The following AUTS2 variants were observed in gnomAD, a reference collection of about 807,000 sequenced individuals.
The protein encoded by AUTS2 is autism susceptibility gene 2 protein.
In AUTS2, 17 loss-of-function variants were observed where a neutral mutation model predicts 112.4. That is an observed-to-expected ratio of 0.15 (90% CI 0.10 to 0.23). The LOEUF (loss-of-function observed/expected upper bound fraction) is 0.23. Ranked by LOEUF, AUTS2 falls within the 10% of genes least tolerant of loss-of-function variation. The pLI, the probability that AUTS2 is intolerant of heterozygous loss-of-function variation, is 1.00. For missense variants in AUTS2, 1,510 were observed against 1,701.6 expected (o/e 0.89, Z 1.98); for synonymous variants, 751 against 702.7 (o/e 1.07, Z -1.09).
intron 11 of AUTS2, among the ~76,000 whole-genome samples, chr7:70,772,342 C>T (rs549379633): frequency 5.3e-5 from 8 of 152,304 alleles, no homozygotes; most frequent in East Asian, 1.9e-4. Flanking sequence ...GTGATAATGC[C>T]GTCCAGCGTT....
intron 6 of AUTS2, among the ~76,000 whole-genome samples, chr7:70,750,667 G>A (rs1368576661): frequency 6.6e-6 from 1 of 152,230 alleles, no homozygotes; most frequent in Non-Finnish European, 1.5e-5. Context: ...CTCCCAAAGT[G>A]CTGGGATTAC....
chr7:70,297,757 A>G (rs567271510), intron 4 of AUTS2, among the ~76,000 whole-genome samples: 1 of 152,212 alleles, frequency 6.6e-6, no homozygotes, highest in Non-Finnish European at 1.5e-5. Context: ...ACCAGGACAA[A>G]CAGGATGTTC....
At chr7:70,655,497 G>A (rs914704149) in intron 5 of AUTS2, among the ~76,000 whole-genome samples, 9 of 152,162 alleles carry the variant, frequency 5.9e-5, no homozygotes, top group Non-Finnish European at 5.9e-5. Context: ...TTACTGAAAC[G>A]CCAAGTATAA....
intron 4 of AUTS2, among the ~76,000 whole-genome samples, chr7:70,214,347 C>T (rs1210034951): frequency 2.6e-5 from 4 of 152,222 alleles, no homozygotes; most frequent in Non-Finnish European, 4.4e-5. Context: ...CATTCTTGCA[C>T]TGCAACATTC....
intron 2 of AUTS2, among the ~76,000 whole-genome samples, chr7:69,965,411 T>A (rs562713833): frequency 6.6e-6 from 1 of 152,214 alleles, no homozygotes; most frequent in East Asian, 1.9e-4. Context: ...GCAGATTGGG[T>A]GCTTGCTCTC....
intron 5 of AUTS2, among the ~76,000 whole-genome samples, chr7:70,465,531 G>A (rs1797137407): frequency 6.6e-6 from 1 of 152,186 alleles, no homozygotes; most frequent in Non-Finnish European, 1.5e-5. Flanking sequence ...TTGGGCTGAT[G>A]ATAACTGGTG....
At chr7:70,459,897 C>G (rs539694091) in intron 5 of AUTS2, among the ~76,000 whole-genome samples, 2 of 152,252 alleles carry the variant, frequency 1.3e-5, no homozygotes, top group South Asian at 4.1e-4. Flanking sequence ...AAGCCAGCCC[C>G]AGCCCTCAGT....
chr7:70,664,362 G>A (rs1807223526), intron 5 of AUTS2, among the ~76,000 whole-genome samples: 1 of 152,102 alleles, frequency 6.6e-6, no homozygotes, highest in Non-Finnish European at 1.5e-5. Context: ...TGGACTCTGT[G>A]GGATTTTGTG....
At chr7:70,733,892 A>G (rs1397661489) in intron 6 of AUTS2, among the ~76,000 whole-genome samples, 1 of 152,004 alleles carries the variant, frequency 6.6e-6, no homozygotes, top group Non-Finnish European at 1.5e-5. Flanking sequence ...TGGCCTCTAC[A>G]TTAGTTTTAT....
chr7:70,054,689 C>G (rs146046608), intron 2 of AUTS2, among the ~76,000 whole-genome samples: 2 of 152,226 alleles, frequency 1.3e-5, no homozygotes, highest in African/African-American at 4.8e-5. Context: ...GTAAATCATT[C>G]TAGAATTTTG....
At chr7:70,434,689 A>G (rs1478846186) in intron 4 of AUTS2, among the ~76,000 whole-genome samples, 1 of 152,130 alleles carries the variant, frequency 6.6e-6, no homozygotes, top group Non-Finnish European at 1.5e-5. Context: ...AGTCATCCTC[A>G]TGGAAGCAGC....
At chr7:69,641,845 T>G (rs1194508587) in intron 1 of AUTS2, among the ~76,000 whole-genome samples, 1 of 152,242 alleles carries the variant, frequency 6.6e-6, no homozygotes, top group Non-Finnish European at 1.5e-5. Flanking sequence ...TTTGGCATTC[T>G]GTTCTCCACT....
chr7:69,988,827 A>G (rs1280284336), intron 2 of AUTS2, among the ~76,000 whole-genome samples: 1 of 152,166 alleles, frequency 6.6e-6, no homozygotes, highest in African/African-American at 2.4e-5. Flanking sequence ...GTGATAATAC[A>G]TTAAGCTCAC....
chr7:70,364,375 C>T lies in AUTS2; in HGVS notation c.661-71377C>T, dbSNP rs556301837. On this transcript the variant is annotated intron_variant, in intron 4 of 18. Transcript: ENST00000342771. Reference sequence around the variant, plus strand: ...TCAGGAGATAAGAGAACATCCTGGCCAACATGGTGAAACCCAGTCTCTACT... The same window carrying T: ...TCAGGAGATAAGAGAACATCCTGGCTAACATGGTGAAACCCAGTCTCTACT... Among the ~76,000 whole-genome samples the T allele has an allele frequency of 2.6e-5, 4 of 151,616 alleles. No homozygotes were observed. The East Asian group carries it at 7.7e-4, about 29-fold the overall frequency.
chr7:70,064,391 T>G (rs1166853687), intron 2 of AUTS2, among the ~76,000 whole-genome samples: 1 of 152,166 alleles, frequency 6.6e-6, no homozygotes, highest in East Asian at 1.9e-4. Flanking sequence ...AAATAGCACC[T>G]TTAACTGGGA....
intron 4 of AUTS2, among the ~76,000 whole-genome samples, chr7:70,212,925 A>G (rs183791291): frequency 6.6e-6 from 1 of 152,188 alleles, no homozygotes; most frequent in Non-Finnish European, 1.5e-5. Flanking sequence ...ATACAGTCAG[A>G]TAGAAGAAAT....
chr7:70,187,367 A>G (rs1809657976), intron 4 of AUTS2, among the ~76,000 whole-genome samples: 1 of 152,236 alleles, frequency 6.6e-6, no homozygotes, highest in African/African-American at 2.4e-5. Context: ...TTAGGTATAT[A>G]TGTAAATATG....
chr7:69,860,216 A>C (rs1268445860), intron 1 of AUTS2, among the ~76,000 whole-genome samples: 3 of 151,958 alleles, frequency 2.0e-5, no homozygotes, highest in Non-Finnish European at 2.9e-5. Context: ...AGGAAAAGGC[A>C]TTTAACCAAG....
At chr7:70,728,923 C>G (rs1021994711) in intron 6 of AUTS2, among the ~76,000 whole-genome samples, 4 of 152,048 alleles carry the variant, frequency 2.6e-5, no homozygotes, top group Non-Finnish European at 5.9e-5. Flanking sequence ...ACAATGCTCC[C>G]TGATTAGAAG....
Sources: allele counts gnomAD v4.1 joint callset (sites outside exome capture counted in the v4.1 genomes callset), GRCh38; gene constraint gnomAD v4.1.1; transcripts MANE v1.5; gene names NCBI Gene and HGNC (gene_info 2026-07-23, HGNC 2026-07-21).